The following CACNA1E variants were observed in gnomAD, a reference collection of about 807,000 sequenced individuals.
CACNA1E encodes voltage-dependent R-type calcium channel subunit alpha-1E.
In CACNA1E, 40 loss-of-function variants were observed where a neutral mutation model predicts 259.2. The observed-to-expected ratio is 0.15, with a 90% CI of 0.12 to 0.20. The LOEUF is 0.20. Ranked by LOEUF, CACNA1E falls within the 10% of genes least tolerant of loss-of-function variation. CACNA1E has a pLI of 1.00. For synonymous variants in CACNA1E, 1,104 were observed against 1,138.5 expected (o/e 0.97, Z 0.61); for missense variants, 1,874 against 3,040.1 (o/e 0.62, Z 9.02).
intron 37 of CACNA1E, among the ~76,000 whole-genome samples, chr1:181,774,172 G>A (rs1659765667): frequency 6.6e-6 from 1 of 152,236 alleles, no homozygotes; most frequent in Admixed American, 6.5e-5. Flanking sequence ...AGGTGTGACT[G>A]CACACGCTAC....
At chr1:181,639,358 G>A (rs1190660814) in intron 6 of CACNA1E, among the ~76,000 whole-genome samples, 1 of 152,208 alleles carries the variant, frequency 6.6e-6, no homozygotes, top group Non-Finnish European at 1.5e-5. Flanking sequence ...AAAGTGCTGG[G>A]ATTACAGGTG....
At chr1:181,547,556 C>T (rs1164813203) in intron 3 of CACNA1E, among the ~76,000 whole-genome samples, 2 of 152,242 alleles carry the variant, frequency 1.3e-5, no homozygotes, top group African/African-American at 4.8e-5. Flanking sequence ...ACTGACTACA[C>T]ACTAGGTTAT....
chr1:181,660,088 G>T (rs1254475342), intron 7 of CACNA1E, among the ~76,000 whole-genome samples: 1 of 152,244 alleles, frequency 6.6e-6, no homozygotes, highest in Admixed American at 6.5e-5. Flanking sequence ...GTACAGGGCA[G>T]AAGATGCCAA....
At chr1:181,417,844 G>A (rs762446523) in intron 2 of CACNA1E, among the ~76,000 whole-genome samples, 4 of 152,210 alleles carry the variant, frequency 2.6e-5, no homozygotes, top group Non-Finnish European at 5.9e-5. Context: ...ACCGCCTGCT[G>A]CATCTGGTCC....
intron 6 of CACNA1E, among the ~76,000 whole-genome samples, chr1:181,584,911 A>C (rs991371624): frequency 3.3e-5 from 5 of 152,224 alleles, no homozygotes; most frequent in African/African-American, 1.2e-4. Context: ...AGTTCCTAAA[A>C]TTTGTAGACA....
intron 3 of CACNA1E, among the ~76,000 whole-genome samples, chr1:181,572,687 T>C (rs1650535403): frequency 6.6e-6 from 1 of 152,160 alleles, no homozygotes; most frequent in Admixed American, 6.5e-5. Flanking sequence ...AGCTTAGGCT[T>C]TTATTAACTC....
intron 6 of CACNA1E, among the ~76,000 whole-genome samples, chr1:181,590,636 G>A (rs1334221123): frequency 6.6e-6 from 1 of 152,016 alleles, no homozygotes; most frequent in African/African-American, 2.4e-5. Context: ...ACCCAAGGCG[G>A]GGCCCTTCCT....
chr1:181,517,517 A>G (rs1666680794), intron 3 of CACNA1E, among the ~76,000 whole-genome samples: 1 of 151,952 alleles, frequency 6.6e-6, no homozygotes, highest in Non-Finnish European at 1.5e-5. Flanking sequence ...TTACCCTGGA[A>G]TCAACTCTGA....
At chr1:181,727,981 C>G (rs1655073673) in intron 18 of CACNA1E, among the ~76,000 whole-genome samples, 1 of 152,180 alleles carries the variant, frequency 6.6e-6, no homozygotes, top group African/African-American at 2.4e-5. Flanking sequence ...TAACAAATGC[C>G]TGGCCCCTGG....
At chr1:181,430,387 T>C (rs1659629849) in intron 2 of CACNA1E, among the ~76,000 whole-genome samples, 1 of 152,168 alleles carries the variant, frequency 6.6e-6, no homozygotes, top group African/African-American at 2.4e-5. Flanking sequence ...TATAAGAAAC[T>C]CCCCTCATCT....
rs144231666 is a variant in CACNA1E at position 181,699,425 on chromosome 1, A to G, written c.1056-11529A>G. On this transcript the variant is annotated intron_variant, in intron 7 of 47. Transcript: ENST00000367573. The stretch of plus-strand genomic sequence containing the variant: ...GGCCATTAATTTTAATTTTGTGATC[A>G]GGAAAGTTCTCCCATCCCACGCCAG... Among the ~76,000 whole-genome samples, 451 of 152,324 alleles carry G rather than the reference A, an allele frequency of 3.0e-3. 2 individuals are homozygous for G. Among genetic ancestry groups the G allele is most frequent in the African/African-American group, 0.011 (438 of 41,574 alleles).
At chr1:181,583,256 A>G (rs1651730083) in intron 6 of CACNA1E, among the ~76,000 whole-genome samples, 1 of 152,160 alleles carries the variant, frequency 6.6e-6, no homozygotes, top group African/African-American at 2.4e-5. Flanking sequence ...TAGAAAAATG[A>G]CTCACTAAGC....
At chr1:181,638,533 A>C (rs1657445662) in intron 6 of CACNA1E, among the ~76,000 whole-genome samples, 1 of 152,044 alleles carries the variant, frequency 6.6e-6, no homozygotes, top group Admixed American at 6.5e-5. Flanking sequence ...TCACATGCTT[A>C]TTGTGGGAGC....
At chr1:181,491,765 C>A (rs1010285039) in intron 1 of CACNA1E, among the ~76,000 whole-genome samples, 18 of 152,254 alleles carry the variant, frequency 1.2e-4, no homozygotes, top group Admixed American at 2.6e-4. Context: ...TGAGAGCAGG[C>A]TCTTCTGAGA....
At chr1:181,397,578 A>G (rs889372190) in intron 1 of CACNA1E, among the ~76,000 whole-genome samples, 7 of 152,154 alleles carry the variant, frequency 4.6e-5, no homozygotes, top group Non-Finnish European at 8.8e-5. Flanking sequence ...GATTACAGGT[A>G]TGAGCCACTG....
intron 1 of CACNA1E, among the ~76,000 whole-genome samples, chr1:181,336,090 C>G (rs1456255628): frequency 1.3e-5 from 2 of 152,110 alleles, no homozygotes; most frequent in Non-Finnish European, 2.9e-5. Flanking sequence ...CCTGTTTTTC[C>G]TCTTGATGGG....
chr1:181,647,617 C>T (rs1025234995), intron 6 of CACNA1E, among the ~76,000 whole-genome samples: 4 of 152,158 alleles, frequency 2.6e-5, no homozygotes, highest in Admixed American at 6.6e-5. Context: ...GTTGCTGCTG[C>T]TTTTTTAATC....
chr1:181,548,828 C>G (rs1187580480), intron 3 of CACNA1E, among the ~76,000 whole-genome samples: 2 of 152,204 alleles, frequency 1.3e-5, no homozygotes, highest in Non-Finnish European at 2.9e-5. Flanking sequence ...TTCGTCTTAT[C>G]CATCATGTTT....
At chr1:181,526,302 G>C (rs1667353077) in intron 3 of CACNA1E, among the ~76,000 whole-genome samples, 1 of 151,904 alleles carries the variant, frequency 6.6e-6, no homozygotes, top group Non-Finnish European at 1.5e-5. Context: ...CTAATAGTTA[G>C]TTGGTGGGGT....
Sources: allele counts gnomAD v4.1 joint callset (sites outside exome capture counted in the v4.1 genomes callset), GRCh38; gene constraint gnomAD v4.1.1; transcripts MANE v1.5; gene names NCBI Gene and HGNC (gene_info 2026-07-23, HGNC 2026-07-21).